SOX6: variants seen among roughly 807,000 people sequenced by gnomAD.
The protein encoded by SOX6 is transcription factor SOX-6.
SOX6 carries 11 observed loss-of-function variants against 97.8 expected under a neutral mutation model. The ratio of observed to expected loss-of-function variants is 0.11; its 90% CI spans 0.07 to 0.19. The LOEUF is 0.19. Ranked by LOEUF, SOX6 falls within the 10% of genes least tolerant of loss-of-function variation. The pLI, the probability that SOX6 is intolerant of heterozygous loss-of-function variation, is 1.00. For synonymous variants in SOX6, 360 were observed against 371.4 expected (o/e 0.97, Z 0.35); for missense variants, 810 against 1,039.5 (o/e 0.78, Z 3.04).
chr11:16,182,862 A>C (rs960124140), intron 6 of SOX6, among the ~76,000 whole-genome samples: 7 of 151,930 alleles, frequency 4.6e-5, no homozygotes, highest in African/African-American at 1.2e-4. Flanking sequence ...TTATTCATCA[A>C]TGAGATAGAA....
chr11:16,594,510 A>G (rs1457684266), intron 4 of SOX6, among the ~76,000 whole-genome samples: 2 of 152,098 alleles, frequency 1.3e-5, no homozygotes, highest in African/African-American at 4.8e-5. Flanking sequence ...GGAAAGGACT[A>G]CAGCTAAGAA....
intron 4 of SOX6, among the ~76,000 whole-genome samples, chr11:16,526,552 G>T (rs1861169032): frequency 6.6e-6 from 1 of 151,938 alleles, no homozygotes; most frequent in Non-Finnish European, 1.5e-5. Context: ...GTTAATTGGT[G>T]CAGCACACCA....
intron 2 of SOX6, among the ~76,000 whole-genome samples, chr11:16,721,532 C>G (rs1848262553): frequency 1.4e-5 from 1 of 71,742 alleles, no homozygotes; most frequent in African/African-American, 5.9e-5. Context: ...CTCTCTCTCT[C>G]TCTCTCTCTC....
At chr11:16,128,031 T>C (rs1025244743) in intron 6 of SOX6, among the ~76,000 whole-genome samples, 1 of 152,190 alleles carries the variant, frequency 6.6e-6, no homozygotes, top group African/African-American at 2.4e-5. Flanking sequence ...TAGTTAAAGA[T>C]GTGGTGCTTT....
At chr11:16,600,121 T>A (rs910532890) in intron 4 of SOX6, among the ~76,000 whole-genome samples, 4 of 152,246 alleles carry the variant, frequency 2.6e-5, no homozygotes, top group Admixed American at 6.5e-5. Context: ...GCCTGCATGA[T>A]GCACAAGGTC....
At chr11:16,411,480 C>A (rs1011284983) in intron 1 of SOX6, among the ~76,000 whole-genome samples, 1 of 151,750 alleles carries the variant, frequency 6.6e-6, no homozygotes, top group African/African-American at 2.4e-5. Context: ...TAAAAAAGAC[C>A]AAATTTTATT....
intron 1 of SOX6, among the ~76,000 whole-genome samples, chr11:16,364,815 A>G (rs1293965890): frequency 1.3e-5 from 2 of 152,114 alleles, no homozygotes; most frequent in South Asian, 4.1e-4. Context: ...AGGAATATCA[A>G]AACTTTGGAG....
intron 2 of SOX6, among the ~76,000 whole-genome samples, chr11:16,715,842 GA>G (rs1002910568): frequency 6.6e-6 from 1 of 150,860 alleles, no homozygotes; most frequent in African/African-American, 2.4e-5. Context: ...TAGCAAAAAA[GA>G]AAAAAAAATC....
intron 2 of SOX6, among the ~76,000 whole-genome samples, chr11:16,330,526 C>G (rs957236542): frequency 6.6e-6 from 1 of 152,148 alleles, no homozygotes; most frequent in Non-Finnish European, 1.5e-5. Flanking sequence ...CACTGCACTC[C>G]AGCCTGGGCG....
chr11:16,132,362 GA>G (rs1849790899), intron 6 of SOX6, among the ~76,000 whole-genome samples: 2 of 79,114 alleles, frequency 2.5e-5, no homozygotes, highest in African/African-American at 1.1e-4. Context: ...AAGAAAGAAA[GA>G]AAGAAAGAAA....
chr11:16,391,338 A>G (rs927881168), intron 1 of SOX6, among the ~76,000 whole-genome samples: 1 of 152,184 alleles, frequency 6.6e-6, no homozygotes, highest in Non-Finnish European at 1.5e-5. Flanking sequence ...AAAGTATGTT[A>G]ATAAAAAAAA....
At chr11:16,157,684 G>A (rs1349982) in intron 6 of SOX6, among the ~76,000 whole-genome samples, 1,603 of 151,966 alleles carry the variant, frequency 0.011, 61 homozygotes, top group East Asian at 0.097. Flanking sequence ...TCAATATCTG[G>A]TGCATAGCTA....
chr11:16,498,714 G>A (rs1288595616), intron 4 of SOX6, among the ~76,000 whole-genome samples: 2 of 152,096 alleles, frequency 1.3e-5, no homozygotes, highest in South Asian at 2.1e-4. Context: ...GACAAAGAAG[G>A]CCATTACATA....
chr11:16,591,318 C>CATAGATAGATAGATAGATAGATAGATAG (rs61285320), intron 4 of SOX6, among the ~76,000 whole-genome samples: 1 of 123,444 alleles, frequency 8.1e-6, no homozygotes, highest in African/African-American at 3.1e-5. Flanking sequence ...TGGTTAGATA[C>CATAGATAGATAGATAGATAGATAGATAG]ATAGATAGAT....
At chr11:16,081,207 A>AT (rs1441932892) in intron 9 of SOX6, among the ~76,000 whole-genome samples, 1 of 152,130 alleles carries the variant, frequency 6.6e-6, no homozygotes, top group Non-Finnish European at 1.5e-5. Context: ...CTCTCCTTTC[A>AT]GCCCATTCTT....
chr11:16,509,136 T>C (rs1171004140), intron 4 of SOX6, among the ~76,000 whole-genome samples: 2 of 151,936 alleles, frequency 1.3e-5, no homozygotes, highest in Non-Finnish European at 2.9e-5. Context: ...TTTTGTACCT[T>C]TAGAAATGTT....
intron 4 of SOX6, among the ~76,000 whole-genome samples, chr11:16,487,004 T>C (rs1860446567): frequency 6.6e-6 from 1 of 152,112 alleles, no homozygotes; most frequent in African/African-American, 2.4e-5. Context: ...ATTTTAAGCA[T>C]TGTCCTCAGG....
chr11:16,210,270 T>A (rs868840579), intron 4 of SOX6, among the ~76,000 whole-genome samples: 1 of 152,164 alleles, frequency 6.6e-6, no homozygotes, highest in Non-Finnish European at 1.5e-5. Flanking sequence ...GAATAAAATG[T>A]GGCATATAGC....
In SOX6 at chr11:16,613,332, A is replaced by G. The variant is rs1327894741; in HGVS notation, n.430-1072T>C. ...ATGCACCCTGGAGAAGGGCACAAAC[A>G]CGGCGGGGGCTTTATTTTTCAGGTC... On this transcript the variant is annotated intron_variant and non_coding_transcript_variant, in intron 3 of 5. Coordinates refer to the SOX6 transcript ENST00000524520. The surrounding 1 kb of genome is among the most constrained non-coding windows in gnomAD (Gnocchi z 4.6). 2 of 152,228 alleles carry G rather than the reference A, an allele frequency of 1.3e-5. No individual in the cohort carries two copies. The highest frequency in any genetic ancestry group is 1.9e-4 in the East Asian group (1 of 5,192). 9.4% of individuals were successfully genotyped at this position (152,228 alleles called of 1,614,324 possible).
Sources: gnomAD v4.1 joint callset for allele counts (sites outside exome capture counted in the v4.1 genomes callset) on GRCh38, gnomAD v4.1.1 for gene constraint, Gnocchi (gnomAD v3.1) non-coding constraint, MANE v1.5 for transcripts, NCBI Gene and HGNC (gene_info 2026-07-23, HGNC 2026-07-21) for gene names.